MTSS1: variants seen among roughly 807,000 people sequenced by gnomAD.
The protein encoded by MTSS1 is protein MTSS 1.
A neutral mutation model predicts 79.0 loss-of-function variants in MTSS1; 18 were observed. That is an observed-to-expected ratio of 0.23 (90% CI 0.16 to 0.34). The LOEUF (loss-of-function observed/expected upper bound fraction) is 0.34. MTSS1 is among the 10% of genes least tolerant of loss of function. The pLI is 1.00. For synonymous variants in MTSS1, 341 were observed against 368.6 expected (o/e 0.93, Z 0.86); for missense variants, 815 against 986.2 (o/e 0.83, Z 2.33).
intron 3 of MTSS1, among the ~76,000 whole-genome samples, chr8:124,694,600 G>A (rs575351028): frequency 6.6e-6 from 1 of 152,274 alleles, no homozygotes; most frequent in South Asian, 2.1e-4. Flanking sequence ...TGTGTATTAA[G>A]TCTTTTTGTT....
At chr8:124,588,304 C>A (rs915423936) in intron 5 of MTSS1, among the ~76,000 whole-genome samples, 1 of 152,216 alleles carries the variant, frequency 6.6e-6, no homozygotes, top group African/African-American at 2.4e-5. Context: ...TTCTACTTTG[C>A]TTTGTAACAG....
At chr8:124,722,735 A>T (rs1185669378) in intron 1 of MTSS1, among the ~76,000 whole-genome samples, 2 of 152,200 alleles carry the variant, frequency 1.3e-5, no homozygotes, top group African/African-American at 2.4e-5. Context: ...CATCCTAGGC[A>T]GCTAAATCTG....
At chr8:124,633,858 G>A (rs1158817811) in intron 3 of MTSS1, among the ~76,000 whole-genome samples, 1 of 151,686 alleles carries the variant, frequency 6.6e-6, no homozygotes, top group Non-Finnish European at 1.5e-5. Context: ...CTAAATTTCT[G>A]ACGGTGGTTC....
chr8:124,636,048 G>C (rs1317727424), intron 3 of MTSS1, among the ~76,000 whole-genome samples: 1 of 152,094 alleles, frequency 6.6e-6, no homozygotes, highest in African/African-American at 2.4e-5. Flanking sequence ...CATTCGACAG[G>C]CTCCTTAGGC....
chr8:124,690,500 A>G (rs1308873073), intron 3 of MTSS1, among the ~76,000 whole-genome samples: 1 of 152,230 alleles, frequency 6.6e-6, no homozygotes, highest in East Asian at 1.9e-4. Flanking sequence ...GGGCTAACAC[A>G]TGATGACTGC....
At chr8:124,622,848 C>T (rs979597727) in intron 3 of MTSS1, among the ~76,000 whole-genome samples, 1 of 151,500 alleles carries the variant, frequency 6.6e-6, no homozygotes, top group African/African-American at 2.4e-5. Flanking sequence ...ACTTGCTTGA[C>T]TATAGTAACC....
chr8:124,577,590 A>T (rs1156974600), intron 6 of MTSS1: 1 of 518,884 alleles, frequency 1.9e-6, no homozygotes, highest in African/African-American at 1.9e-5. Context: ...GGTCAGGGGC[A>T]GCTTTCTGAT....
chr8:124,561,735 C>T (rs1244180902), intron 10 of MTSS1, among the ~76,000 whole-genome samples: 1 of 152,110 alleles, frequency 6.6e-6, no homozygotes, highest in Non-Finnish European at 1.5e-5. Flanking sequence ...CGACCCTTTG[C>T]CCTCTCTGCT....
intron 3 of MTSS1, among the ~76,000 whole-genome samples, chr8:124,638,356 C>A (rs1817408590): frequency 6.6e-6 from 1 of 152,186 alleles, no homozygotes; most frequent in Non-Finnish European, 1.5e-5. Context: ...TGTTTGTGAT[C>A]AAATCCACTA....
intron 6 of MTSS1, among the ~76,000 whole-genome samples, chr8:124,569,669 A>G (rs1412461238): frequency 6.6e-6 from 1 of 152,234 alleles, no homozygotes; most frequent in East Asian, 1.9e-4. Context: ...GGTCTTTCCC[A>G]GCACAGCCCC....
intron 7 of MTSS1, chr8:124,567,850 C>T (rs753307933): frequency 1.2e-4 from 184 of 1,480,570 alleles, no homozygotes; most frequent in East Asian, 2.2e-4. Context: ...GCTTCCAGAA[C>T]GCCTGCAGTG....
chr8:124,588,849 G>T (rs1248030673), intron 5 of MTSS1, among the ~76,000 whole-genome samples: 1 of 151,872 alleles, frequency 6.6e-6, no homozygotes, highest in African/African-American at 2.4e-5. Context: ...CGAGTAGTTG[G>T]GATTACAGGC....
At chr8:124,716,091 G>A (rs1203917716) in intron 1 of MTSS1, among the ~76,000 whole-genome samples, 1 of 152,224 alleles carries the variant, frequency 6.6e-6, no homozygotes, top group Non-Finnish European at 1.5e-5. Context: ...GTGGGCCATA[G>A]ACAGAAAGAG....
At chr8:124,580,648 A>G (rs1242928593) in intron 6 of MTSS1, 2 of 1,458,534 alleles carry the variant, frequency 1.4e-6, no homozygotes, top group Admixed American at 3.9e-5. Context: ...GTATTCAAGC[A>G]GCAGCAGTCT....
intron 3 of MTSS1, among the ~76,000 whole-genome samples, chr8:124,664,255 G>C (rs1290018865): frequency 2.6e-5 from 4 of 152,104 alleles, no homozygotes; most frequent in African/African-American, 9.7e-5. Flanking sequence ...GTCATCATGG[G>C]GCAGCCAAGC....
intron 3 of MTSS1, among the ~76,000 whole-genome samples, chr8:124,624,806 G>T (rs563334151): frequency 6.6e-6 from 1 of 152,334 alleles, no homozygotes; most frequent in East Asian, 1.9e-4. Context: ...TGCGCAGAGC[G>T]GGGAGGTGTG....
rs116681149 is a variant in MTSS1 at position 124,624,151 on chromosome 8, T to C, written c.209-32916A>G. Among the ~76,000 whole-genome samples, 161 of 152,324 alleles carry C rather than the reference T, an allele frequency of 1.1e-3. 1 individual carries two copies. Among genetic ancestry groups the C allele is most frequent in the African/African-American group, 3.8e-3 (156 of 41,570 alleles). Reference sequence around the variant, plus strand: ...TCACGCTCCTATTTGAAAAGGTTTGTCACTGTGCGAAGACTCATATAGGAC... The same window carrying C: ...TCACGCTCCTATTTGAAAAGGTTTGCCACTGTGCGAAGACTCATATAGGAC... On this transcript the variant is annotated intron_variant, in intron 3 of 13. Coordinates refer to ENST00000518547, the MANE Select transcript of MTSS1 (RefSeq NM_014751.6).
intron 3 of MTSS1, among the ~76,000 whole-genome samples, chr8:124,692,177 G>A (rs938655882): frequency 6.6e-5 from 10 of 151,686 alleles, no homozygotes; most frequent in African/African-American, 2.4e-4. Context: ...TTAGAGGCCC[G>A]CCACCAAGCT....
At chr8:124,666,559 G>A (rs568696782) in intron 3 of MTSS1, among the ~76,000 whole-genome samples, 199 of 152,296 alleles carry the variant, frequency 1.3e-3, no homozygotes, top group Non-Finnish European at 2.2e-3. Flanking sequence ...GTTCGCCACC[G>A]GGATCCACAG....
Sources: allele counts gnomAD v4.1 joint callset (sites outside exome capture counted in the v4.1 genomes callset), GRCh38; gene constraint gnomAD v4.1.1; transcripts MANE v1.5; gene names NCBI Gene and HGNC (gene_info 2026-07-23, HGNC 2026-07-21).